Variants in LARP4B observed in about 807,000 individuals in gnomAD.
LARP4B encodes the protein La ribonucleoprotein 4B.
A neutral mutation model predicts 89.8 loss-of-function variants in LARP4B; 12 were observed. The ratio of observed to expected loss-of-function variants is 0.13; its 90% CI spans 0.09 to 0.22. LARP4B has a LOEUF of 0.22. Ranked by LOEUF, LARP4B falls within the 10% of genes least tolerant of loss-of-function variation. The pLI is 1.00. For synonymous variants in LARP4B, 367 were observed against 363.3 expected (o/e 1.01, Z -0.12); for missense variants, 757 against 947.7 (o/e 0.80, Z 2.64).
intron 5 of LARP4B, among the ~76,000 whole-genome samples, chr10:852,482 A>G (rs1834105565): frequency 6.6e-6 from 1 of 152,220 alleles, no homozygotes; most frequent in Non-Finnish European, 1.5e-5. Context: ...GTGCCTCATC[A>G]ACATATAAAG....
chr10:899,441 C>T (rs1267144175), intron 1 of LARP4B, among the ~76,000 whole-genome samples: 3 of 152,284 alleles, frequency 2.0e-5, no homozygotes, highest in Admixed American at 1.3e-4. Flanking sequence ...ATTGCCTTTT[C>T]CTGGAACACA....
chr10:928,519 A>G (rs1837216220), intron 1 of LARP4B, among the ~76,000 whole-genome samples: 2 of 152,226 alleles, frequency 1.3e-5, no homozygotes, highest in African/African-American at 4.8e-5. Context: ...TATGTAGAGT[A>G]GCTGCAGCTA....
At chr10:932,032 G>T (rs986978821), upstream of LARP4B, among the ~76,000 whole-genome samples, 2 of 148,494 alleles carry the variant, frequency 1.3e-5, no homozygotes, top group Non-Finnish European at 1.5e-5. Flanking sequence ...CCTGACGCTG[G>T]GGGGCCGTGT....
At chr10:851,960 G>A (rs1272233157) in intron 5 of LARP4B, among the ~76,000 whole-genome samples, 1 of 152,142 alleles carries the variant, frequency 6.6e-6, no homozygotes, top group Non-Finnish European at 1.5e-5. Context: ...CAGCTACTTG[G>A]GAGGCTAAGG....
At chr10:852,605 C>T (rs894063305) in intron 5 of LARP4B, among the ~76,000 whole-genome samples, 16 of 152,158 alleles carry the variant, frequency 1.1e-4, no homozygotes, top group African/African-American at 3.9e-4. Flanking sequence ...TTCTGTTCAC[C>T]TTTGTACTGG....
intron 15 of LARP4B, 51 bp downstream of exon 15, chr10:817,674 C>T (rs369748768): frequency 2.2e-5 from 34 of 1,555,420 alleles, no homozygotes; most frequent in Non-Finnish European, 2.9e-5. Flanking sequence ...TGACACGGAA[C>T]CCGTACCTAG....
At chr10:940,568 A>G in the LARP4B span, among the ~76,000 whole-genome samples, 1 of 152,280 alleles carries the variant, frequency 6.6e-6, no homozygotes, top group Non-Finnish European at 1.5e-5. Flanking sequence ...CAGTGCCTGA[A>G]GTGGGCATGA....
chr10:858,424 G>C (rs1834417071), intron 5 of LARP4B, among the ~76,000 whole-genome samples: 1 of 152,134 alleles, frequency 6.6e-6, no homozygotes, highest in Admixed American at 6.5e-5. Context: ...CTAAATGTAA[G>C]ACCCGAAATG....
At chr10:816,977 G>T (rs1832095359) in intron 15 of LARP4B, among the ~76,000 whole-genome samples, 1 of 152,220 alleles carries the variant, frequency 6.6e-6, no homozygotes, top group African/African-American at 2.4e-5. Context: ...CAGACACGTG[G>T]TAACTCTGGG....
At chr10:870,797 G>C (rs1835163159) in intron 3 of LARP4B, among the ~76,000 whole-genome samples, 1 of 152,126 alleles carries the variant, frequency 6.6e-6, no homozygotes. Flanking sequence ...TGATTCAGAG[G>C]AAATTCCCTT....
intron 1 of LARP4B, among the ~76,000 whole-genome samples, chr10:904,581 TA>T (rs1184515879): frequency 6.6e-6 from 1 of 151,158 alleles, no homozygotes; most frequent in Admixed American, 6.6e-5. Context: ...AAAATAAAAA[TA>T]AAATAAAAAT....
chr10:827,667 G>A (rs1288775722), intron 11 of LARP4B, among the ~76,000 whole-genome samples: 1 of 152,078 alleles, frequency 6.6e-6, no homozygotes, highest in South Asian at 2.1e-4. Context: ...AGCTGACCCA[G>A]AACCCCAAGG....
chr10:813,297 G>C (rs1395232087), intron 17 of LARP4B, 84 bp from the exon 18 acceptor site: 1 of 1,378,282 alleles, frequency 7.3e-7, no homozygotes, highest in Non-Finnish European at 9.8e-7. Flanking sequence ...TAAGATAAAA[G>C]AGTTTTCAAC....
intron 3 of LARP4B, among the ~76,000 whole-genome samples, chr10:864,729 G>A (rs936431099): frequency 3.9e-5 from 6 of 152,188 alleles, no homozygotes; most frequent in South Asian, 2.1e-4. Context: ...CAAGGCGGGC[G>A]GATCACCTGA....
chr10:825,770 CGAG>C lies in LARP4B; in HGVS notation c.1223_1225del (p.Pro408del). 6.2e-7 allele frequency: 1 copy of C among 1,612,706 alleles called. No homozygotes were observed. Among genetic ancestry groups the C allele is most frequent in the Non-Finnish European group, 8.5e-7 (1 of 1,179,006 alleles). ...AGACCGCCCCGGAACTTGCCTGCTT[CGAG>C]GAGGATACTGTCTGAGAGAAGTCAG... On this transcript the variant is annotated inframe_deletion, in exon 12 of 18. Transcript: ENST00000316157.
chr10:849,746 G>A (rs569158051), intron 5 of LARP4B, among the ~76,000 whole-genome samples: 2 of 152,182 alleles, frequency 1.3e-5, no homozygotes, highest in East Asian at 1.9e-4. Flanking sequence ...GGTAAGTCAC[G>A]TTGACAATGT....
intron 5 of LARP4B, among the ~76,000 whole-genome samples, chr10:861,152 T>C (rs935541822): frequency 2.0e-5 from 3 of 151,956 alleles, no homozygotes; most frequent in Non-Finnish European, 4.4e-5. Flanking sequence ...CAAGACTCCA[T>C]CTCAAAAAGA....
Position 824,494 on chromosome 10 carries a change from A to AAAACAAAC in LARP4B, c.1484+563_1484+570dup, listed in dbSNP as rs149582198. Among the ~76,000 whole-genome samples, 8 of 151,994 alleles carry AAAACAAAC rather than the reference A, an allele frequency of 5.3e-5. No individual in the cohort carries two copies. In the East Asian group the frequency reaches 5.8e-4, roughly 11 times the overall value. On this transcript the variant is annotated intron_variant, in intron 13 of 17. Transcript: ENST00000316157. ...GGCAACGGAGTGAGACCCTGTCTTA[A>AAAACAAAC]AAACAAACAAACAAACAAACAAACA...
the LARP4B span, among the ~76,000 whole-genome samples, chr10:957,016 G>A: frequency 6.6e-6 from 1 of 152,170 alleles, no homozygotes; most frequent in Non-Finnish European, 1.5e-5. Context: ...TCTGTGATGG[G>A]AATGAACTCC....
Sources: allele counts gnomAD v4.1 joint callset (sites outside exome capture counted in the v4.1 genomes callset), GRCh38; gene constraint gnomAD v4.1.1; transcripts MANE v1.5; gene names NCBI Gene and HGNC (gene_info 2026-07-23, HGNC 2026-07-21).